ATP11B: variants seen among roughly 807,000 people sequenced by gnomAD.
The protein encoded by ATP11B is ATPase phospholipid transporting 11B (putative).
In ATP11B, 81 loss-of-function variants were observed where a neutral mutation model predicts 157.8. That is an observed-to-expected ratio of 0.51 (90% CI 0.43 to 0.62). ATP11B has a LOEUF of 0.62. ATP11B is among the 20% of genes least tolerant of loss of function. ATP11B has a pLI of 0.00. For missense variants in ATP11B, 1,165 were observed against 1,402.2 expected (o/e 0.83, Z 2.70); for synonymous variants, 451 against 469.4 (o/e 0.96, Z 0.51).
chr3:182,865,737 G>T, intron 13 of ATP11B, 39 bp downstream of exon 13: 1 of 1,523,714 alleles, frequency 6.6e-7, no homozygotes, highest in East Asian at 2.4e-5. Context: ...GGTTTCATAT[G>T]AAATAATTCT....
Position 182,918,672 on chromosome 3 carries a change from G to GAATC in ATP11B, c.*570_*573dup. The GAATC allele has an allele frequency of 3.5e-6, 1 of 287,302 alleles. No individual in the cohort carries two copies. Among genetic ancestry groups the GAATC allele is most frequent in the South Asian group, 1.6e-4 (1 of 6,098 alleles). The allele number at this position is 287,302 out of a possible 1,614,324, so 17.8% of individuals were successfully genotyped here. ...TCTGAGTTCACAGAGCAAATTAGGA[G>GAATC]AATCATTTCCAACCATTATTTACTG... On this transcript the variant is annotated 3_prime_UTR_variant, in exon 30 of 30. Coordinates refer to ENST00000323116, the MANE Select transcript of ATP11B (RefSeq NM_014616.3).
chr3:182,839,981 T>A (rs1041103334), intron 7 of ATP11B, among the ~76,000 whole-genome samples: 1 of 152,144 alleles, frequency 6.6e-6, no homozygotes, highest in Non-Finnish European at 1.5e-5. Flanking sequence ...TAGTGAACGG[T>A]ATTCTTGACC....
chr3:182,808,017 G>A (rs1716434086), intron 1 of ATP11B, among the ~76,000 whole-genome samples: 1 of 152,174 alleles, frequency 6.6e-6, no homozygotes, highest in Admixed American at 6.5e-5. Flanking sequence ...GATACACATA[G>A]GTATTGTAAG....
chr3:182,841,377 C>G (rs1250804627), intron 7 of ATP11B, among the ~76,000 whole-genome samples: 2 of 152,152 alleles, frequency 1.3e-5, no homozygotes, highest in Non-Finnish European at 2.9e-5. Context: ...TCTCAAGCAC[C>G]TAGAACAGTA....
At chr3:182,833,126 A>G (rs1010375358) in intron 4 of ATP11B, among the ~76,000 whole-genome samples, 2 of 152,172 alleles carry the variant, frequency 1.3e-5, no homozygotes, top group Non-Finnish European at 2.9e-5. Context: ...CTGAATATAC[A>G]TAACTACAAA....
chr3:182,903,219 A>C (rs1724091434), intron 28 of ATP11B, among the ~76,000 whole-genome samples: 2 of 152,190 alleles, frequency 1.3e-5, no homozygotes, highest in Admixed American at 1.3e-4. Flanking sequence ...CTATGTATTA[A>C]GTATGGTTTG....
At chr3:182,854,224 C>G (rs1720197769) in intron 10 of ATP11B, among the ~76,000 whole-genome samples, 1 of 152,164 alleles carries the variant, frequency 6.6e-6, no homozygotes, top group Non-Finnish European at 1.5e-5. Flanking sequence ...AATCCCAGCA[C>G]TTTGGGAGGC....
intron 7 of ATP11B, 65 bp from the exon 8 acceptor site, chr3:182,842,010 C>G: frequency 1.1e-6 from 1 of 897,948 alleles, no homozygotes; most frequent in Non-Finnish European, 1.7e-6. Flanking sequence ...AAGGATGGTG[C>G]AAAAAAACAG....
intron 29 of ATP11B, chr3:182,914,480 AC>A: frequency 2.0e-6 from 2 of 985,278 alleles, no homozygotes; most frequent in Non-Finnish European, 2.4e-6. Context: ...ATTTATAAAC[AC>A]AAAAGGCTGT....
chr3:182,871,964 C>T (rs1458282539), intron 17 of ATP11B, among the ~76,000 whole-genome samples: 4 of 151,982 alleles, frequency 2.6e-5, no homozygotes, highest in South Asian at 2.1e-4. Flanking sequence ...TACAGGTGCC[C>T]GCCACTATGC....
At chr3:182,827,947 G>T (rs1028270724) in intron 2 of ATP11B, among the ~76,000 whole-genome samples, 173 bp from the exon 3 acceptor site, 2 of 151,714 alleles carry the variant, frequency 1.3e-5, no homozygotes, top group African/African-American at 4.8e-5. Flanking sequence ...AAGAAAAAAG[G>T]GAAGTAGAAT....
chr3:182,868,470 A>G (rs1721409606), intron 15 of ATP11B, among the ~76,000 whole-genome samples: 2 of 151,764 alleles, frequency 1.3e-5, no homozygotes, highest in African/African-American at 2.4e-5. Context: ...TATGTAAATC[A>G]CTGTGTAAGA....
Position 182,872,369 on chromosome 3 carries a change from C to T in ATP11B, c.1880C>T (p.Thr627Ile). The T allele has an allele frequency of 6.3e-7, 1 of 1,584,384 alleles. No homozygotes were observed. The highest frequency in any genetic ancestry group is 1.4e-5 in the African/African-American group (1 of 73,786). The change falls in exon 18 of 30, where the codon ACT (threonine) becomes ATT (isoleucine). Residue 627 changes from threonine (T) to isoleucine (I), a missense_variant. Coordinates refer to ENST00000323116, the MANE Select transcript of ATP11B (RefSeq NM_014616.3). ...VDEFALKGLR[T>I]LCIAYRKFTS... ...TGTTTGTTTTAGAAAGGGCTAAGAA[C>T]TCTGTGTATAGCATATAGAAAATTT...
chr3:182,834,642 G>A (rs564029277), intron 4 of ATP11B, among the ~76,000 whole-genome samples: 7 of 152,154 alleles, frequency 4.6e-5, no homozygotes, highest in Admixed American at 3.3e-4. Flanking sequence ...TCTTAAAATG[G>A]CATAGGAAGT....
intron 1 of ATP11B, among the ~76,000 whole-genome samples, chr3:182,810,066 C>T (rs181392245): frequency 9.2e-5 from 14 of 151,978 alleles, no homozygotes; most frequent in East Asian, 7.8e-4. Flanking sequence ...CATTTTCAGC[C>T]GGTCACGGTG....
At chr3:182,833,144 A>C (rs968420288) in intron 4 of ATP11B, among the ~76,000 whole-genome samples, 1 of 152,190 alleles carries the variant, frequency 6.6e-6, no homozygotes, top group Non-Finnish European at 1.5e-5. Flanking sequence ...AAAATAATAG[A>C]AGTAAATACA....
Position 182,865,664 on chromosome 3 carries a change from CTT to C in ATP11B, c.1411_1412del (p.Phe471GlnfsTer5), listed in dbSNP as rs1295180672. ...TTATCCCATCTTACAACCAGTTCCT[CTT>C]TCAGAACCAGTCCTGAAAATGAAAC... is the stretch of plus-strand genomic sequence containing the variant. On this transcript the variant is annotated frameshift_variant, in exon 13 of 30. Transcript: ENST00000323116. LOFTEE classifies it high-confidence loss of function. 2 of 1,613,026 alleles carry C rather than the reference CTT, an allele frequency of 1.2e-6. No individual in the cohort carries two copies. The highest frequency in any genetic ancestry group is 1.3e-5 in the African/African-American group (1 of 74,882).
chr3:182,820,300 A>G lies in ATP11B; in HGVS notation c.68A>G (p.Tyr23Cys). The G allele has an allele frequency of 1.2e-6, 2 of 1,614,150 alleles. No individual in the cohort carries two copies. The highest frequency in any genetic ancestry group is 1.7e-6 in the Non-Finnish European group (2 of 1,179,996). Residue 23 changes from tyrosine to cysteine, a missense_variant, in exon 2 of 30, where the codon TAC (tyrosine) becomes TGC (cysteine). Around this residue, in one of 4 missense-constraint regions of ATP11B, gnomAD observed 91 missense variants for 95.8 expected, o/e 0.95. Transcript: ENST00000323116. ...CATCAGAGTGACACAAGAACCATCT[A>G]CGTAGCCAACAGGTTTCCTCAGAAT... ...PPHQSDTRTI[Y>C]VANRFPQNGL... is the part of the protein sequence containing the mutation.
intron 8 of ATP11B, chr3:182,844,592 A>G (rs1467198197): frequency 1.4e-5 from 14 of 980,532 alleles, no homozygotes; most frequent in Non-Finnish European, 1.7e-5. Context: ...GAAGTATGCA[A>G]TGCAAGTAGT....
Sources: gnomAD v4.1 joint callset for allele counts (sites outside exome capture counted in the v4.1 genomes callset) on GRCh38, gnomAD v4.1.1 for gene constraint, gnomAD v4.1.1 regional missense constraint, MANE v1.5 for transcripts, NCBI Gene and HGNC (gene_info 2026-07-23, HGNC 2026-07-21) for gene names.